MYH10: variants seen among roughly 807,000 people sequenced by gnomAD.
The protein encoded by MYH10 is myosin-10.
MYH10 carries 55 observed loss-of-function variants against 257.8 expected under a neutral mutation model. That is an observed-to-expected ratio of 0.21 (90% CI 0.17 to 0.27). MYH10 has a LOEUF of 0.27. Among genes scored for constraint, MYH10 ranks in the 10% least tolerant of loss-of-function variants. MYH10 has a pLI of 1.00. For missense variants in MYH10, 1,631 were observed against 2,500.6 expected, an observed-to-expected ratio of 0.65 and a Z score of 7.42; for synonymous variants, 854 against 921.7, an observed-to-expected ratio of 0.93 and a Z score of 1.33.
At chr17:8,496,386 G>A (rs1916631831) in intron 30 of MYH10, among the ~76,000 whole-genome samples, 1 of 152,206 alleles carries the variant, frequency 6.6e-6, no homozygotes, top group Admixed American at 6.5e-5. Context: ...CAGTGTGGTG[G>A]GGAAGGGCTC....
Position 8,518,930 on chromosome 17 carries a change from T to A in MYH10, c.2294A>T (p.Asn765Ile). The A allele has an allele frequency of 2.5e-6, 4 of 1,607,010 alleles. No individual in the cohort carries two copies. Among genetic ancestry groups the A allele is most frequent in the Non-Finnish European group, 3.4e-6 (4 of 1,175,448 alleles). The change falls in exon 20 of 43, where the codon AAT (asparagine) becomes ATT (isoleucine). Residue 765 changes from asparagine to isoleucine, a missense_variant. Asn to Ile is a moderately radical substitution (Grantham distance 149). Coordinates refer to ENST00000360416, the MANE Select transcript of MYH10 (RefSeq NM_001256012.3). ...ATCCATAAAACCTTTAGGAATAGCA[T>A]TTGGAGTTAGGATCTCATATCTGTA... ...FRQRYEILTPNAIPKGFMDGK... is the reference protein window; with the variant it reads ...FRQRYEILTPIAIPKGFMDGK...
intron 14 of MYH10, among the ~76,000 whole-genome samples, chr17:8,536,985 T>C (rs2082161245): frequency 6.6e-6 from 1 of 152,200 alleles, no homozygotes; most frequent in Non-Finnish European, 1.5e-5. Flanking sequence ...ACTACAAACA[T>C]CACTGACTTG....
intron 21 of MYH10, among the ~76,000 whole-genome samples, chr17:8,514,950 A>G (rs886568637): frequency 6.6e-5 from 10 of 152,246 alleles, no homozygotes; most frequent in African/African-American, 9.6e-5. Context: ...GAGCACCAGA[A>G]CGGCCTCCGA....
chr17:8,492,606 C>T, intron 33 of MYH10, 97 bp from the exon 34 acceptor site: 2 of 1,311,104 alleles, frequency 1.5e-6, no homozygotes. Context: ...AGTGCTGCCA[C>T]TAGATTATGG....
chr17:8,535,308 T>G lies in MYH10; in HGVS notation c.1894+79A>C. 1 of 1,010,828 alleles carries G rather than the reference T, an allele frequency of 9.9e-7. No individual in the cohort carries two copies. Among genetic ancestry groups the G allele is most frequent in the Non-Finnish European group, 1.5e-6 (1 of 677,282 alleles). 62.6% of individuals were successfully genotyped at this position (1,010,828 alleles called of 1,614,324 possible). A position where few individuals can be genotyped will look rare whatever the true frequency, so the allele number is the denominator to read the frequency against. The stretch of plus-strand genomic sequence containing the variant: ...GTAAGAAGTTATATGTATCCATATA[T>G]ATGTAAAAGAACCATCTATAAACCT... On this transcript the variant is annotated intron_variant, in intron 16 of 42. Transcript: ENST00000360416. The surrounding 1 kb of genome is among the most constrained non-coding windows in gnomAD (Gnocchi z 4.3).
intron 7 of MYH10, chr17:8,561,374 G>C: frequency 1.8e-6 from 2 of 1,125,600 alleles, no homozygotes; most frequent in South Asian, 2.5e-5. Context: ...GGAGGCCGCA[G>C]CAGTCAGGGG....
chr17:8,582,417 CTT>C (rs35044012), intron 4 of MYH10, among the ~76,000 whole-genome samples: 37,148 of 152,090 alleles, frequency 0.24, 5,408 homozygotes, highest in Admixed American at 0.35. Context: ...CAGTCTTACA[CTT>C]TAAGTGGCTG....
chr17:8,586,385 C>G (rs2083918844), intron 4 of MYH10, among the ~76,000 whole-genome samples: 1 of 152,108 alleles, frequency 6.6e-6, no homozygotes, highest in Non-Finnish European at 1.5e-5. Flanking sequence ...CCAACATAAA[C>G]AGTATAAGAA....
At chr17:8,568,459 T>C (rs2083233148) in intron 7 of MYH10, among the ~76,000 whole-genome samples, 1 of 152,052 alleles carries the variant, frequency 6.6e-6, no homozygotes. Flanking sequence ...GTGCAGACCA[T>C]GATGTTATCT....
rs186731578 is a variant in MYH10 at position 8,519,552 on chromosome 17, C to T, written c.2274-602G>A. Among the ~76,000 whole-genome samples, 212 of 151,860 alleles carry T rather than the reference C, an allele frequency of 1.4e-3. 1 individual carries two copies. Among genetic ancestry groups the T allele is most frequent in the African/African-American group, 4.8e-3 (200 of 41,414 alleles). ...TATATTAAAGGAGGAATCCTGGCTA[C>T]ATCAATCAACTTTGTATCTTGGATG... is the stretch of plus-strand genomic sequence containing the variant. On this transcript the variant is annotated intron_variant, in intron 19 of 42. Transcript: ENST00000360416.
At chr17:8,507,957 A>G (rs1265179109) in intron 26 of MYH10, among the ~76,000 whole-genome samples, 2 of 152,166 alleles carry the variant, frequency 1.3e-5, no homozygotes, top group African/African-American at 4.8e-5. Flanking sequence ...GGGCAACAAG[A>G]GTGAAACTCC....
intron 2 of MYH10, among the ~76,000 whole-genome samples, chr17:8,607,212 A>G (rs1327515648): frequency 1.3e-5 from 2 of 152,242 alleles, no homozygotes; most frequent in African/African-American, 4.8e-5. Context: ...GCTACAGATT[A>G]TACTCTTCAA....
chr17:8,560,633 A>C, intron 7 of MYH10: 1 of 888,344 alleles, frequency 1.1e-6, no homozygotes, highest in Non-Finnish European at 1.7e-6. Context: ...TCCTGCTTTC[A>C]CAGAATTATT....
intron 2 of MYH10, among the ~76,000 whole-genome samples, chr17:8,615,487 T>C (rs1167161476): frequency 6.6e-6 from 1 of 152,080 alleles, no homozygotes; most frequent in East Asian, 1.9e-4. Context: ...GACAAAGATA[T>C]TATAAGAAAG....
rs892061629 is a variant in MYH10, at chr17:8,535,613, G to A, written c.1780-112C>T. On this transcript the variant is annotated intron_variant, in intron 15 of 42. Transcript: ENST00000360416. This position sits in a 1 kb window ranked among gnomAD's most constrained non-coding sequence, Gnocchi z 4.3. ...CTTTTATACAACAGTCCCCAAAATG[G>A]GCTGTCTGAAAGACAATATGTTTGT... 23 of 1,236,888 alleles carry A rather than the reference G, an allele frequency of 1.9e-5. No individual in the cohort carries two copies. In the Middle Eastern group the frequency reaches 5.8e-4, roughly 31 times the overall value. 76.6% of individuals were successfully genotyped at this position (1,236,888 alleles called of 1,614,324 possible).
chr17:8,554,104 T>A, intron 7 of MYH10, 86 bp from the exon 8 acceptor site: 1 of 919,442 alleles, frequency 1.1e-6, no homozygotes, highest in Non-Finnish European at 1.7e-6. Context: ...ACAACAAGTA[T>A]CCATGAATTA....
In MYH10 at chr17:8,506,358, G is replaced by C; in HGVS notation, c.3346C>G (p.Leu1116Val). The C allele has an allele frequency of 6.2e-7, 1 of 1,607,416 alleles. No individual in the cohort carries two copies. The highest frequency in any genetic ancestry group is 8.5e-7 in the Non-Finnish European group (1 of 1,177,976). The part of the protein sequence containing the change: ...QAQIDELKLQ[L>V]AKKEEELQGA... ...TGCAGCTCCTCCTCCTTCTTGGCCA[G>C]CTGCAGCTTGAGCTCATCAATCTGC... Residue 1116 changes from leucine (L) to valine (V), a missense_variant, in exon 27 of 43, where the codon CTG becomes GTG. Physicochemically the swap from Leu to Val is conservative, Grantham distance 32 (BLOSUM62 1). Transcript: ENST00000360416. This position sits in a 1 kb window ranked among gnomAD's most constrained non-coding sequence, Gnocchi z 5.0.
chr17:8,624,803 C>T (rs1354486423), intron 1 of MYH10, among the ~76,000 whole-genome samples: 8 of 152,200 alleles, frequency 5.3e-5, no homozygotes. Context: ...ACTGTTATCT[C>T]AGCAACTTGA....
intron 34 of MYH10, among the ~76,000 whole-genome samples, chr17:8,491,366 A>C (rs148500396): frequency 1.3e-5 from 2 of 152,326 alleles, no homozygotes; most frequent in African/African-American, 4.8e-5. Context: ...TCCACATTTC[A>C]CTGTGTAACC....
Sources: gnomAD v4.1 joint callset for allele counts (sites outside exome capture counted in the v4.1 genomes callset) on GRCh38, gnomAD v4.1.1 for gene constraint, Gnocchi (gnomAD v3.1) non-coding constraint, MANE v1.5 for transcripts, NCBI Gene and HGNC (gene_info 2026-07-23, HGNC 2026-07-21) for gene names.